Variants in ANKS1A observed in about 807,000 individuals in gnomAD.
ANKS1A encodes ankyrin repeat and sterile alpha motif domain containing 1A, also known as ankyrin repeat and SAM domain-containing protein 1A.
ANKS1A carries 55 observed loss-of-function variants against 120.3 expected under a neutral mutation model. The observed-to-expected ratio is 0.46, with a 90% CI of 0.37 to 0.57. The LOEUF is 0.57. ANKS1A is among the 20% of genes least tolerant of loss of function. The probability of loss-of-function intolerance (pLI) is 0.00; values close to 1 mark genes in which losing one functional copy is unlikely to be tolerated. For missense variants in ANKS1A, 1,123 were observed against 1,480.3 expected, an observed-to-expected ratio of 0.76 and a Z score of 3.96; for synonymous variants, 590 against 604.7, an observed-to-expected ratio of 0.98 and a Z score of 0.36.
At chr6:34,915,587 T>C (rs920371906) in intron 1 of ANKS1A, among the ~76,000 whole-genome samples, 13 of 152,036 alleles carry the variant, frequency 8.6e-5, no homozygotes, top group African/African-American at 3.1e-4. Context: ...GCTTAAGCAG[T>C]CCTCCTGCAT....
At chr6:34,890,356 C>T (rs1766750111) in intron 1 of ANKS1A, among the ~76,000 whole-genome samples, 1 of 152,218 alleles carries the variant, frequency 6.6e-6, no homozygotes, top group Non-Finnish European at 1.5e-5. Flanking sequence ...TCCCAAAGTG[C>T]TGGGATTACA....
intron 9 of ANKS1A, among the ~76,000 whole-genome samples, chr6:34,992,734 T>A (rs1772641625): frequency 1.3e-5 from 2 of 152,204 alleles, no homozygotes; most frequent in Non-Finnish European, 2.9e-5. Context: ...GCTTTTAGCT[T>A]CCAGGTAGCT....
At position 35,090,277 on chromosome 6, in the gene ANKS1A, C is replaced by T. The variant is rs575048152; in HGVS notation, c.*1668C>T. ...ACCGCTGTACAGTTCTCGGCCCCGG[C>T]TTTCTTCCAAGAGTTGACCAGGAAC... On this transcript the variant is annotated 3_prime_UTR_variant, in exon 24 of 24. Coordinates refer to ENST00000360359, the MANE Select transcript of ANKS1A (RefSeq NM_015245.3). 7.8e-7 allele frequency: 1 copy of T among 1,289,768 alleles called. No individual in the cohort carries two copies. Among genetic ancestry groups the T allele is most frequent in the South Asian group, 1.2e-5 (1 of 81,030 alleles). 79.9% of individuals were successfully genotyped at this position (1,289,768 alleles called of 1,614,324 possible).
intron 10 of ANKS1A, among the ~76,000 whole-genome samples, chr6:35,013,492 G>A (rs1581644568): frequency 6.6e-6 from 1 of 151,964 alleles, no homozygotes; most frequent in Admixed American, 6.5e-5. Context: ...ATGAGGTCTC[G>A]CCATGTTGCC....
chr6:35,084,404 A>G lies in ANKS1A; in HGVS notation c.3132+146A>G. On this transcript the variant is annotated intron_variant, in intron 21 of 23. Coordinates refer to ENST00000360359, the MANE Select transcript of ANKS1A (RefSeq NM_015245.3). This position sits in a 1 kb window ranked among gnomAD's most constrained non-coding sequence, Gnocchi z 4.8. ...TGGTTCATGAATGGAGCCCAGCAGCACTCAGGCCGGTCCCCTTTCACAGTG... is the reference window on the plus strand; with the variant it reads ...TGGTTCATGAATGGAGCCCAGCAGCGCTCAGGCCGGTCCCCTTTCACAGTG... 1.7e-6 allele frequency: 2 copies of G among 1,192,600 alleles called. No homozygotes were observed. The highest frequency in any genetic ancestry group is 2.3e-6 in the Non-Finnish European group (2 of 878,228). The allele number at this position is 1,192,600 out of a possible 1,614,324, so 73.9% of individuals were successfully genotyped here.
intron 13 of ANKS1A, among the ~76,000 whole-genome samples, chr6:35,071,482 A>T (rs1044245911): frequency 6.6e-6 from 1 of 151,976 alleles, no homozygotes; most frequent in African/African-American, 2.4e-5. Flanking sequence ...ATAATGTGGG[A>T]CTGTTGTGCC....
At position 35,086,854 on chromosome 6, in the gene ANKS1A, A is replaced by C; in HGVS notation, c.3304-98A>C. The stretch of plus-strand genomic sequence containing the variant: ...GAGAATAAGGGCTGCCCCTCCCAGC[A>C]CAGGGGCCACAGCCTGGCCTGGGGG... On this transcript the variant is annotated intron_variant, in intron 22 of 23. Coordinates refer to ENST00000360359, the MANE Select transcript of ANKS1A (RefSeq NM_015245.3). The surrounding 1 kb of genome is among the most constrained non-coding windows in gnomAD (Gnocchi z 5.1). 8.2e-7 allele frequency: 1 copy of C among 1,214,314 alleles called. No homozygotes were observed. The highest frequency in any genetic ancestry group is 1.2e-6 in the Non-Finnish European group (1 of 820,744). 75.2% of individuals were successfully genotyped at this position (1,214,314 alleles called of 1,614,324 possible). A position where few individuals can be genotyped will look rare whatever the true frequency, so the allele number is the denominator to read the frequency against.
At chr6:34,971,487 C>T (rs1366987363) in intron 3 of ANKS1A, among the ~76,000 whole-genome samples, 1 of 152,140 alleles carries the variant, frequency 6.6e-6, no homozygotes, top group African/African-American at 2.4e-5. Context: ...TATGATAAGC[C>T]ATTCTCCCCT....
At chr6:35,074,427 C>T (rs1047784197) in intron 13 of ANKS1A, among the ~76,000 whole-genome samples, 2 of 151,666 alleles carry the variant, frequency 1.3e-5, no homozygotes, top group African/African-American at 4.8e-5. Flanking sequence ...TAGTGAGACC[C>T]CATCTCTACA....
chr6:35,004,777 C>G (rs1181033383), intron 10 of ANKS1A, among the ~76,000 whole-genome samples: 1 of 152,020 alleles, frequency 6.6e-6, no homozygotes, highest in Non-Finnish European at 1.5e-5. Context: ...TAAGTAACTG[C>G]CTTTTAATAG....
At chr6:35,070,669 A>G (rs528572442) in intron 13 of ANKS1A, among the ~76,000 whole-genome samples, 2 of 151,984 alleles carry the variant, frequency 1.3e-5, no homozygotes, top group African/African-American at 4.8e-5. Context: ...TATTTTTACT[A>G]GAGATGGTTT....
At chr6:34,984,853 G>A (rs1772098974) in intron 7 of ANKS1A, among the ~76,000 whole-genome samples, 1 of 152,172 alleles carries the variant, frequency 6.6e-6, no homozygotes, top group Non-Finnish European at 1.5e-5. Context: ...TCTTATAGAT[G>A]TCAATGGTTT....
chr6:34,906,166 C>T (rs1767636925), intron 1 of ANKS1A, among the ~76,000 whole-genome samples: 1 of 152,100 alleles, frequency 6.6e-6, no homozygotes, highest in Non-Finnish European at 1.5e-5. Flanking sequence ...TGGCAGGGGG[C>T]AGTGTTTTTA....
At chr6:34,972,712 C>T (rs992836972) in intron 3 of ANKS1A, 4 of 818,182 alleles carry the variant, frequency 4.9e-6, no homozygotes, top group African/African-American at 3.7e-5. Context: ...TGGTCCTCTC[C>T]GCTTCTACTC....
intron 1 of ANKS1A, among the ~76,000 whole-genome samples, chr6:34,947,538 C>T (rs1769866393): frequency 6.6e-6 from 1 of 152,102 alleles, no homozygotes; most frequent in Admixed American, 6.5e-5. Context: ...TTTTCATCCA[C>T]CAGGCCATTA....
chr6:34,898,169 C>T (rs1357826135), intron 1 of ANKS1A, among the ~76,000 whole-genome samples: 1 of 152,186 alleles, frequency 6.6e-6, no homozygotes, highest in African/African-American at 2.4e-5. Flanking sequence ...AGTGAGGACC[C>T]TGTTAAGGAC....
chr6:35,020,572 C>A lies in ANKS1A; in HGVS notation c.2010+2513C>A, dbSNP rs916604913. On this transcript the variant is annotated intron_variant, in intron 11 of 23. Coordinates refer to ENST00000360359, the MANE Select transcript of ANKS1A (RefSeq NM_015245.3). ...CCTCTTCTTTATGGCTCCTTCTGAG[C>A]GTATCCCAAACCAGAGAGGTCAGCA... is the stretch of plus-strand genomic sequence containing the variant. 2.6e-5 allele frequency among the ~76,000 whole-genome samples: 4 copies of A among 152,154 alleles called. No homozygotes were observed. The East Asian group carries it at 5.8e-4, about 22-fold the overall frequency.
At chr6:34,946,307 G>T (rs1343792152) in intron 1 of ANKS1A, among the ~76,000 whole-genome samples, 1 of 151,764 alleles carries the variant, frequency 6.6e-6, no homozygotes, top group African/African-American at 2.4e-5. Context: ...AAATTTTGGG[G>T]CTGGGCACAG....
At position 34,967,335 on chromosome 6, in the gene ANKS1A, C is replaced by T; in HGVS notation, c.278+16C>T. 1 of 1,611,810 alleles carries T rather than the reference C, an allele frequency of 6.2e-7. No homozygotes were observed. On this transcript the variant is annotated intron_variant, in intron 2 of 23. Transcript: ENST00000360359. ...ATGGCCATAAGTAAGTATCAATGTACTACATTCCTGCCTTCACCCTTCAGA... is the reference window on the plus strand; with the variant it reads ...ATGGCCATAAGTAAGTATCAATGTATTACATTCCTGCCTTCACCCTTCAGA...
Sources: gnomAD v4.1 joint callset for allele counts (sites outside exome capture counted in the v4.1 genomes callset) on GRCh38, gnomAD v4.1.1 for gene constraint, Gnocchi (gnomAD v3.1) non-coding constraint, MANE v1.5 for transcripts, NCBI Gene and HGNC (gene_info 2026-07-23, HGNC 2026-07-21) for gene names.